The following NEGR1 variants were observed in gnomAD, a reference collection of about 807,000 sequenced individuals.
NEGR1 encodes the protein neuronal growth regulator 1, also known as IgLON family member 4.
In NEGR1, 10 loss-of-function variants were observed where a neutral mutation model predicts 40.9. That is an observed-to-expected ratio of 0.24 (90% CI 0.15 to 0.42). NEGR1 has a LOEUF of 0.42. NEGR1 is among the 10% of genes least tolerant of loss of function. The pLI, the probability that NEGR1 is intolerant of heterozygous loss-of-function variation, is 1.00. For synonymous variants in NEGR1, 185 were observed against 166.8 expected (o/e 1.11, Z -0.84); for missense variants, 352 against 438.9 (o/e 0.80, Z 1.77).
At chr1:71,751,461 A>G (rs189560212) in intron 3 of NEGR1, among the ~76,000 whole-genome samples, 6 of 152,334 alleles carry the variant, frequency 3.9e-5, no homozygotes, top group Non-Finnish European at 5.9e-5. Flanking sequence ...TCTGAAAACC[A>G]ATACTATTAA....
intron 6 of NEGR1, among the ~76,000 whole-genome samples, chr1:71,508,836 A>G (rs1191647187): frequency 6.6e-6 from 1 of 152,218 alleles, no homozygotes; most frequent in Non-Finnish European, 1.5e-5. Flanking sequence ...ATGCAGTCCT[A>G]TACTTATCAC....
chr1:72,097,687 T>G (rs1327823443), intron 1 of NEGR1, among the ~76,000 whole-genome samples: 2 of 152,250 alleles, frequency 1.3e-5, no homozygotes, highest in African/African-American at 4.8e-5. Flanking sequence ...TATTACATGC[T>G]GTGGTTCAGA....
intron 1 of NEGR1, among the ~76,000 whole-genome samples, chr1:72,087,200 T>C (rs1648255323): frequency 6.6e-6 from 1 of 152,032 alleles, no homozygotes; most frequent in South Asian, 2.1e-4. Flanking sequence ...TGGGGAACCA[T>C]GAGTTCAGGA....
chr1:71,864,670 G>A (rs1660061387), intron 2 of NEGR1, among the ~76,000 whole-genome samples: 1 of 152,046 alleles, frequency 6.6e-6, no homozygotes. Flanking sequence ...ACACAAGACA[G>A]GAGCTATTTC....
chr1:71,613,581 C>T (rs1459924115), intron 4 of NEGR1, among the ~76,000 whole-genome samples: 3 of 151,160 alleles, frequency 2.0e-5, no homozygotes, highest in East Asian at 2.0e-4. Context: ...CGCTTGAACC[C>T]GGGAGGCAGA....
At chr1:71,875,529 T>TA (rs1464054558) in intron 2 of NEGR1, among the ~76,000 whole-genome samples, 2 of 152,156 alleles carry the variant, frequency 1.3e-5, no homozygotes, top group Non-Finnish European at 2.9e-5. Flanking sequence ...CTGAAACTGT[T>TA]AAAAAAGTCT....
intron 1 of NEGR1, among the ~76,000 whole-genome samples, chr1:72,109,959 G>A (rs1649288899): frequency 6.6e-6 from 1 of 151,564 alleles, no homozygotes; most frequent in Non-Finnish European, 1.5e-5. Context: ...AGAAAGCACA[G>A]CTGTTCCTAT....
At chr1:71,958,528 T>C (rs1255459442) in intron 1 of NEGR1, among the ~76,000 whole-genome samples, 2 of 152,204 alleles carry the variant, frequency 1.3e-5, no homozygotes, top group Admixed American at 1.3e-4. Flanking sequence ...ATAATACTGA[T>C]TTATTATTTT....
At chr1:71,654,667 T>C (rs1651822289) in intron 4 of NEGR1, among the ~76,000 whole-genome samples, 1 of 152,120 alleles carries the variant, frequency 6.6e-6, no homozygotes, top group Non-Finnish European at 1.5e-5. Flanking sequence ...GAACACAAGA[T>C]TTATCATAGG....
chr1:71,857,297 C>T (rs1362027409), intron 2 of NEGR1, among the ~76,000 whole-genome samples: 4 of 151,546 alleles, frequency 2.6e-5, no homozygotes, highest in South Asian at 2.1e-4. Context: ...CCTGAGCCAC[C>T]ATTTTCTCAT....
chr1:71,841,597 C>T (rs1005775581), intron 2 of NEGR1, among the ~76,000 whole-genome samples: 3 of 152,200 alleles, frequency 2.0e-5, no homozygotes, highest in African/African-American at 4.8e-5. Flanking sequence ...GTTATGAGTA[C>T]CCATTCTGCA....
intron 2 of NEGR1, among the ~76,000 whole-genome samples, chr1:71,851,804 T>C (rs1179941977): frequency 3.3e-5 from 5 of 152,140 alleles, no homozygotes; most frequent in Non-Finnish European, 5.9e-5. Context: ...TTTATTAAGA[T>C]AGCAGACTCT....
chr1:71,784,097 G>C (rs147348016), intron 2 of NEGR1, among the ~76,000 whole-genome samples: 5 of 152,210 alleles, frequency 3.3e-5, no homozygotes, highest in Admixed American at 1.3e-4. Context: ...GAAACAGGTG[G>C]AATTTGAACA....
chr1:72,128,774 C>T (rs2100307555), intron 1 of NEGR1, among the ~76,000 whole-genome samples: 1 of 152,160 alleles, frequency 6.6e-6, no homozygotes, highest in African/African-American at 2.4e-5. Flanking sequence ...TTTCGGTAAA[C>T]ATTATTTCTG....
At chr1:71,755,266 C>G (rs1020837467) in intron 3 of NEGR1, among the ~76,000 whole-genome samples, 6 of 152,090 alleles carry the variant, frequency 3.9e-5, no homozygotes, top group Admixed American at 2.6e-4. Flanking sequence ...TTCCCCGAGT[C>G]CTCTTCACCT....
At chr1:72,098,675 A>G (rs1648807757) in intron 1 of NEGR1, among the ~76,000 whole-genome samples, 1 of 152,188 alleles carries the variant, frequency 6.6e-6, no homozygotes, top group African/African-American at 2.4e-5. Context: ...TCTACAAAGA[A>G]TCTCTGAACT....
Position 72,220,931 on chromosome 1 carries a change from T to TTA in NEGR1, c.176+61387_176+61388insTA, listed in dbSNP as rs1553151597. Among the ~76,000 whole-genome samples, 16 of 148,814 alleles carry TTA rather than the reference T, an allele frequency of 1.1e-4. No homozygotes were observed. In the South Asian group the frequency reaches 2.9e-3, roughly 27 times the overall value. ...TACCTAAAGTTTTTTTTTTTTTTTT[T>TTA]AATAACAAAGAGCAATGCATTTGTT... On this transcript the variant is annotated intron_variant, in intron 1 of 6. Coordinates refer to ENST00000357731, the MANE Select transcript of NEGR1 (RefSeq NM_173808.3).
chr1:71,650,074 T>C (rs536087255), intron 4 of NEGR1, among the ~76,000 whole-genome samples: 1 of 152,126 alleles, frequency 6.6e-6, no homozygotes, highest in African/African-American at 2.4e-5. Flanking sequence ...TAATAGAGAA[T>C]ATTTTGTCCC....
intron 2 of NEGR1, among the ~76,000 whole-genome samples, chr1:71,874,767 A>C (rs1429138492): frequency 1.3e-5 from 2 of 152,174 alleles, no homozygotes; most frequent in African/African-American, 4.8e-5. Flanking sequence ...ACTTAGTATC[A>C]TGATATCACA....
Sources: allele counts gnomAD v4.1 joint callset (sites outside exome capture counted in the v4.1 genomes callset), GRCh38; gene constraint gnomAD v4.1.1; transcripts MANE v1.5; gene names NCBI Gene and HGNC (gene_info 2026-07-23, HGNC 2026-07-21).